BRCC3: variants seen among roughly 807,000 people sequenced by gnomAD.
The protein encoded by BRCC3 is lys-63-specific deubiquitinase BRCC36.
BRCC3 carries 15 observed loss-of-function variants against 28.0 expected under a neutral mutation model. The ratio of observed to expected loss-of-function variants is 0.54; its 90% CI spans 0.36 to 0.82. The LOEUF is 0.82. BRCC3 is among the 40% of genes least tolerant of loss of function. BRCC3 has a pLI of 0.01. For missense variants in BRCC3, 109 were observed against 225.9 expected, an observed-to-expected ratio of 0.48 and a Z score of 3.32; for synonymous variants, 66 against 80.3, an observed-to-expected ratio of 0.82 and a Z score of 0.95.
chrX:155,120,120 G>A lies in BRCC3; in HGVS notation c.846G>A (p.Glu282=). ...HLQELQQEKE[E]LMQELSSLE ...AGGAATTACAACAAGAAAAGGAAGA[G>A]CTTATGCAAGAACTTTCTTCTCTAG... is the stretch of plus-strand genomic sequence containing the variant. Residue 282 remains glutamate (E), a synonymous_variant, in exon 10 of 11, where the codon GAG becomes GAA. Transcript: ENST00000330045. 6.6e-6 allele frequency: 8 copies of A among 1,208,742 alleles called. No homozygotes were observed. Among genetic ancestry groups the A allele is most frequent in the Non-Finnish European group, 9.0e-6 (8 of 893,846 alleles).
chrX:155,076,374 C>G (rs2104788), intron 3 of BRCC3, among the ~76,000 whole-genome samples: 47,703 of 108,990 alleles, frequency 0.44, 9,431 homozygotes, highest in African/African-American at 0.76. Flanking sequence ...GGGCGACAGA[C>G]TGAGACTGTG....
intron 9 of BRCC3, among the ~76,000 whole-genome samples, chrX:155,119,738 C>T (rs1233279047): frequency 8.9e-6 from 1 of 111,886 alleles, no homozygotes; most frequent in African/African-American, 3.3e-5. Context: ...AGAGCTGGCC[C>T]TCTTTCTGCC....
chrX:155,072,336 G>A lies in BRCC3; in HGVS notation c.133G>A (p.Asp45Asn), dbSNP rs782457990. Reference protein sequence around the residue: ...MGLCIGELNDDTRSDSKFAYT... With the variant: ...MGLCIGELNDNTRSDSKFAYT... ...CTTTTTCCCACTCTAGTTGAACGAT[G>A]ATACAAGGTAAGACTGTATTTGTTT... Residue 45 changes from aspartate (D) to asparagine (N), a missense_variant, in exon 2 of 11, where the codon GAT becomes AAT. Physicochemically the swap from Asp to Asn is conservative, Grantham distance 23. This residue lies in a region of BRCC3 where 58 missense variants were observed against 92.8 expected (regional missense o/e 0.63). Coordinates refer to ENST00000330045, the MANE Select transcript of BRCC3 (RefSeq NM_001018055.3). 8.4e-7 allele frequency: 1 copy of A among 1,197,149 alleles called. No individual in the cohort carries two copies. Among genetic ancestry groups the A allele is most frequent in the Non-Finnish European group, 1.1e-6 (1 of 883,259 alleles).
At chrX:155,111,585 A>G (rs1320301303) in intron 7 of BRCC3, among the ~76,000 whole-genome samples, 1 of 111,914 alleles carries the variant, frequency 8.9e-6, no homozygotes, top group Non-Finnish European at 1.9e-5. Flanking sequence ...CTGGACCACT[A>G]TCTTCACCCA....
At chrX:155,075,451 C>T (rs1338168567) in intron 3 of BRCC3, among the ~76,000 whole-genome samples, 1 of 111,709 alleles carries the variant, frequency 9.0e-6, no homozygotes, top group Non-Finnish European at 1.9e-5. Flanking sequence ...ATCCCACTTG[C>T]CTGCTAAAAA....
At chrX:155,103,142 C>T (rs1457908160) in intron 7 of BRCC3, among the ~76,000 whole-genome samples, 4 of 112,595 alleles carry the variant, frequency 3.6e-5, no homozygotes, top group South Asian at 3.6e-4. Context: ...TTTCATTTCT[C>T]GCCTCCTGGC....
intron 7 of BRCC3, chrX:155,099,508 C>T (rs2074234144): frequency 2.0e-6 from 2 of 985,867 alleles, no homozygotes; most frequent in Admixed American, 6.2e-5. Context: ...GTCAAGTGGC[C>T]ATACCTAAGC....
At position 155,109,330 on chromosome X, in the gene BRCC3, TTTG is replaced by T. The variant is rs781894138; in HGVS notation, c.549-6723_549-6721del. ...AGCCCCATATAAATTTTAAAATCGGTTTGTTGATTTCCACAAGAAAACTTGCTG... is the reference window on the plus strand; with the variant it reads ...AGCCCCATATAAATTTTAAAATCGGTTTGATTTCCACAAGAAAACTTGCTG... On this transcript the variant is annotated intron_variant, in intron 7 of 10. Coordinates refer to ENST00000330045, the MANE Select transcript of BRCC3 (RefSeq NM_001018055.3). Among the ~76,000 whole-genome samples, 161 of 111,547 alleles carry T rather than the reference TTTG, an allele frequency of 1.4e-3. 7 individuals carry two copies. In the South Asian group the frequency reaches 0.026, roughly 18 times the overall value.
chrX:155,075,285 C>CTT (rs1315492890), intron 3 of BRCC3, among the ~76,000 whole-genome samples: 1 of 50,580 alleles, frequency 2.0e-5, no homozygotes, highest in African/African-American at 4.9e-4. Context: ...GCTAAGCCCA[C>CTT]TCTTTCCCCT....
intron 5 of BRCC3, among the ~76,000 whole-genome samples, chrX:155,080,539 A>G (rs1309368157): frequency 4.5e-5 from 5 of 112,171 alleles, no homozygotes; most frequent in Admixed American, 2.8e-4. Context: ...TTAAGAAGCC[A>G]TGTGCAAATA....
chrX:155,084,585 G>GATCTCCTGACCTCGTGATCCA (rs1465592386), intron 5 of BRCC3, among the ~76,000 whole-genome samples: 2 of 111,774 alleles, frequency 1.8e-5, no homozygotes, highest in Non-Finnish European at 3.8e-5. Context: ...GTATGGTCTT[G>GATCTCCTGACCTCGTGATCCA]ATCTCCTGAC....
At chrX:155,101,257 A>G (rs2074245348) in intron 7 of BRCC3, among the ~76,000 whole-genome samples, 1 of 111,363 alleles carries the variant, frequency 9.0e-6, no homozygotes, top group Non-Finnish European at 1.9e-5. Flanking sequence ...AATTTAAAGT[A>G]TACAGGAGGA....
chrX:155,100,916 C>T (rs1188622256), intron 7 of BRCC3, among the ~76,000 whole-genome samples: 1 of 108,571 alleles, frequency 9.2e-6, no homozygotes. Flanking sequence ...TTTTTTGAGA[C>T]AGGGTCTTGC....
intron 7 of BRCC3, among the ~76,000 whole-genome samples, chrX:155,113,119 C>CTTTTTTTT (rs35621321): frequency 2.6e-4 from 8 of 30,832 alleles, no homozygotes; most frequent in Non-Finnish European, 3.1e-4. Context: ...GGCTTGCTTG[C>CTTTTTTTT]TTTTTTTTTT....
intron 8 of BRCC3, among the ~76,000 whole-genome samples, chrX:155,116,389 G>A (rs1242435948): frequency 9.0e-6 from 1 of 111,650 alleles, no homozygotes; most frequent in East Asian, 2.8e-4. Context: ...CTGCTACTTT[G>A]GATCTTTCAA....
chrX:155,089,373 G>A (rs782129717), intron 6 of BRCC3, 22 bp downstream of exon 6: 1 of 949,763 alleles, frequency 1.1e-6, no homozygotes. Context: ...GCATGTGTGT[G>A]TGTGTGTGTG....
intron 2 of BRCC3, 55 bp from the exon 3 acceptor site, chrX:155,073,322 C>T: frequency 8.8e-7 from 1 of 1,132,041 alleles, no homozygotes; most frequent in Non-Finnish European, 1.2e-6. Flanking sequence ...GCTTTAATTC[C>T]TTTTTATATT....
At chrX:155,100,940 C>A (rs1222590142) in intron 7 of BRCC3, among the ~76,000 whole-genome samples, 1 of 110,201 alleles carries the variant, frequency 9.1e-6, no homozygotes, top group African/African-American at 3.3e-5. Flanking sequence ...GTCACCCAGG[C>A]TGCAATGCAG....
intron 7 of BRCC3, among the ~76,000 whole-genome samples, chrX:155,101,146 A>G (rs782584543): frequency 9.0e-6 from 1 of 111,534 alleles, no homozygotes; most frequent in South Asian, 3.8e-4. Context: ...CGATCTGCCC[A>G]TCTCAGCCTC....
Sources: allele counts gnomAD v4.1 joint callset (sites outside exome capture counted in the v4.1 genomes callset), GRCh38; gene constraint gnomAD v4.1.1; regional missense constraint gnomAD v4.1.1; transcripts MANE v1.5; gene names NCBI Gene and HGNC (gene_info 2026-07-23, HGNC 2026-07-21).